The following SCPEP1 variants were observed in gnomAD, a reference collection of about 807,000 sequenced individuals.
SCPEP1 encodes the protein serine carboxypeptidase 1.
A neutral mutation model predicts 63.8 loss-of-function variants in SCPEP1; 51 were observed. That is an observed-to-expected ratio of 0.80 (90% CI 0.64 to 1.01). The LOEUF (loss-of-function observed/expected upper bound fraction) is 1.01. Ranked by LOEUF, SCPEP1 falls within the 50% of genes least tolerant of loss-of-function variation. The pLI, the probability that SCPEP1 is intolerant of heterozygous loss-of-function variation, is 0.00. For missense variants in SCPEP1, 499 were observed against 554.9 expected (o/e 0.90, Z 1.01); for synonymous variants, 204 against 207.8 (o/e 0.98, Z 0.16).
chr17:56,981,143 C>G lies in SCPEP1; in HGVS notation c.138C>G (p.Arg46=). The stretch of plus-strand genomic sequence containing the variant: ...AAGTATGGGATTATGTGACGGTCCG[C>G]AAGGATGCCTACATGTTCTGGTGGC... The part of the protein sequence containing the change: ...GKEVWDYVTV[R]KDAYMFWWLY... The change falls in exon 2 of 13, where the codon CGC becomes CGG. Residue 46 remains arginine (R), a synonymous_variant. Coordinates refer to ENST00000262288, the MANE Select transcript of SCPEP1 (RefSeq NM_021626.3). The G allele has an allele frequency of 6.2e-7, 1 of 1,614,158 alleles. No homozygotes were observed. The highest frequency in any genetic ancestry group is 8.5e-7 in the Non-Finnish European group (1 of 1,180,012).
rs1567867832 is a variant in SCPEP1, at chr17:56,995,610, G to GGAAAGCA, written c.766_772dup (p.Met258SerfsTer6). 6.2e-7 allele frequency: 1 copy of GGAAAGCA among 1,614,000 alleles called. No individual in the cohort carries two copies. Among genetic ancestry groups the GGAAAGCA allele is most frequent in the Non-Finnish European group, 8.5e-7 (1 of 1,179,958 alleles). On this transcript the variant is annotated frameshift_variant, in exon 8 of 13. Transcript: ENST00000262288. LOFTEE classifies it high-confidence loss of function. The stretch of plus-strand genomic sequence containing the variant: ...TACAGAGAGGCCACAGAGCTGTGGG[G>GGAAAGCA]GAAAGCAGAAATGATCATTGAACAG...
chr17:57,006,325 T>A lies in SCPEP1; in HGVS notation c.*90T>A. 3 of 880,034 alleles carry A rather than the reference T, an allele frequency of 3.4e-6. No homozygotes were observed. Among genetic ancestry groups the A allele is most frequent in the Non-Finnish European group, 5.1e-6 (3 of 583,754 alleles). 54.5% of individuals were successfully genotyped at this position (880,034 alleles called of 1,614,324 possible). A position where few individuals can be genotyped will look rare whatever the true frequency, so the allele number is the denominator to read the frequency against. ...AGCTGTAGGAAGCGCCATTCTTCCC[T>A]GTATCTAACTGGGGCTGTGATCAAG... On this transcript the variant is annotated 3_prime_UTR_variant, in exon 13 of 13. Coordinates refer to ENST00000262288, the MANE Select transcript of SCPEP1 (RefSeq NM_021626.3).
intron 9 of SCPEP1, among the ~76,000 whole-genome samples, chr17:56,997,309 G>C (rs754640671): frequency 6.6e-6 from 1 of 152,074 alleles, no homozygotes; most frequent in Non-Finnish European, 1.5e-5. Context: ...CCCAGCCACA[G>C]GCAACCACTC....
intron 6 of SCPEP1, among the ~76,000 whole-genome samples, chr17:56,994,609 G>A (rs1248657250): frequency 1.3e-5 from 2 of 152,178 alleles, no homozygotes. Flanking sequence ...ATGTGAGGGT[G>A]GGGAAATATT....
intron 1 of SCPEP1, 85 bp from the exon 2 acceptor site, chr17:56,980,997 C>A: frequency 6.8e-7 from 1 of 1,466,950 alleles, no homozygotes; most frequent in Non-Finnish European, 9.4e-7. Flanking sequence ...TCATCTCTAG[C>A]CTAGCATGGC....
chr17:57,001,559 G>A (rs1252507723), intron 11 of SCPEP1, among the ~76,000 whole-genome samples: 1 of 152,154 alleles, frequency 6.6e-6, no homozygotes, highest in Non-Finnish European at 1.5e-5. Flanking sequence ...GATGTGACAC[G>A]CCTCGTGAAC....
intron 9 of SCPEP1, 47 bp from the exon 10 acceptor site, chr17:56,998,338 G>T (rs1258775332): frequency 5.5e-6 from 7 of 1,279,368 alleles, no homozygotes; most frequent in Non-Finnish European, 1.1e-6. Context: ...TGTCCTCTTG[G>T]CCTTACTTCC....
chr17:56,998,102 A>C (rs1597921598), intron 9 of SCPEP1: 2 of 307,150 alleles, frequency 6.5e-6, no homozygotes, highest in African/African-American at 5.0e-5. Context: ...CATGAGGACA[A>C]GAGATCGAGA....
At chr17:56,985,343 C>T in intron 2 of SCPEP1, 35 bp from the exon 3 acceptor site, 1 of 1,541,400 alleles carries the variant, frequency 6.5e-7, no homozygotes, top group Non-Finnish European at 9.0e-7. Context: ...TAAGATCTGA[C>T]TAAAATTTTT....
chr17:56,997,877 A>G (rs1420087631), intron 9 of SCPEP1: 2 of 152,442 alleles, frequency 1.3e-5, no homozygotes, highest in Admixed American at 1.3e-4. Context: ...TTGTGCACCA[A>G]CCTAATAATA....
chr17:56,990,839 T>G (rs1396923888), intron 5 of SCPEP1, among the ~76,000 whole-genome samples: 2 of 152,088 alleles, frequency 1.3e-5, no homozygotes, highest in Admixed American at 6.5e-5. Flanking sequence ...TTTGCCATGC[T>G]GCCCAGGCTA....
chr17:56,993,514 G>T (rs954959847), intron 6 of SCPEP1, among the ~76,000 whole-genome samples: 2 of 152,170 alleles, frequency 1.3e-5, no homozygotes, highest in African/African-American at 4.8e-5. Flanking sequence ...CACGATCTCG[G>T]CTCACTGCAA....
intron 5 of SCPEP1, among the ~76,000 whole-genome samples, chr17:56,988,681 G>A (rs964312626): frequency 5.9e-5 from 9 of 151,714 alleles, no homozygotes; most frequent in East Asian, 1.9e-4. Flanking sequence ...ATATAATGTC[G>A]ATAAATGTTA....
rs758410013 is a variant in SCPEP1 at position 57,001,904 on chromosome 17, G to C, written c.1133-114G>C. 5.6e-6 allele frequency: 6 copies of C among 1,065,436 alleles called. No individual in the cohort carries two copies. The African/African-American group carries it at 8.0e-5, about 14-fold the overall frequency. The allele number at this position is 1,065,436 out of a possible 1,614,324, so 66.0% of individuals were successfully genotyped here. ...AGAATTTGCATTTTAACAAGATCCT[G>C]AGTGAGTTTCATGCATATTGCAGTT... On this transcript the variant is annotated intron_variant, in intron 11 of 12. Transcript: ENST00000262288.
At chr17:56,999,478 G>A (rs990937759) in intron 10 of SCPEP1, among the ~76,000 whole-genome samples, 2 of 152,274 alleles carry the variant, frequency 1.3e-5, no homozygotes, top group South Asian at 4.1e-4. Context: ...TGTTTCATGT[G>A]TGTTCAAGAT....
chr17:56,994,197 T>G (rs1911478796), intron 6 of SCPEP1, among the ~76,000 whole-genome samples: 1 of 152,186 alleles, frequency 6.6e-6, no homozygotes. Context: ...AAACCTACTT[T>G]GAGACACTTT....
Position 56,997,026 on chromosome 17 carries a change from C to G in SCPEP1, c.851C>G (p.Ser284Trp). ...AGCACTCCCACGTCTACAATGGAGT[C>G]GAGTCTAGAATTCACACAGAGCCAC... is the stretch of plus-strand genomic sequence containing the variant. ...TKSTPTSTME[S>W]SLEFTQSHLV... is the part of the protein sequence containing the mutation. Residue 284 changes from serine to tryptophan, a missense_variant, in exon 9 of 13, where the codon TCG becomes TGG. Coordinates refer to ENST00000262288, the MANE Select transcript of SCPEP1 (RefSeq NM_021626.3). 6.2e-7 allele frequency: 1 copy of G among 1,607,396 alleles called. No individual in the cohort carries two copies. The highest frequency in any genetic ancestry group is 8.5e-7 in the Non-Finnish European group (1 of 1,176,134).
chr17:57,001,128 C>A (rs1293678561), intron 11 of SCPEP1, 136 bp downstream of exon 11: 14 of 918,512 alleles, frequency 1.5e-5, no homozygotes, highest in Non-Finnish European at 2.4e-5. Flanking sequence ...TTACATCCGT[C>A]TACCCCGACC....
At chr17:56,996,909 G>A in intron 8 of SCPEP1, 53 bp from the exon 9 acceptor site, 1 of 1,258,792 alleles carries the variant, frequency 7.9e-7, no homozygotes, top group South Asian at 1.3e-5. Flanking sequence ...CTGTTTGGCA[G>A]CTTTGATGAT....
Sources: allele counts gnomAD v4.1 joint callset (sites outside exome capture counted in the v4.1 genomes callset), GRCh38; gene constraint gnomAD v4.1.1; transcripts MANE v1.5; gene names NCBI Gene and HGNC (gene_info 2026-07-23, HGNC 2026-07-21).